PCLO: variants seen among roughly 807,000 people sequenced by gnomAD.
PCLO encodes the protein piccolo presynaptic cytomatrix protein.
A neutral mutation model predicts 427.5 loss-of-function variants in PCLO; 82 were observed. The ratio of observed to expected loss-of-function variants is 0.19; its 90% CI spans 0.16 to 0.23. The LOEUF (loss-of-function observed/expected upper bound fraction) is 0.23. Ranked by LOEUF, PCLO falls within the 10% of genes least tolerant of loss-of-function variation. PCLO has a pLI of 1.00. For missense variants in PCLO, 6,239 were observed against 6,115.9 expected (o/e 1.02, Z -0.67); for synonymous variants, 2,357 against 2,155.4 (o/e 1.09, Z -2.59).
intron 22 of PCLO, among the ~76,000 whole-genome samples, chr7:82,779,895 G>C (rs1031516483): frequency 5.3e-5 from 8 of 151,984 alleles, no homozygotes; most frequent in African/African-American, 1.9e-4. Context: ...CTGGACAATA[G>C]TATGGGTAAG....
intron 2 of PCLO, among the ~76,000 whole-genome samples, chr7:83,145,410 C>T (rs80309483): frequency 0.022 from 3,423 of 152,156 alleles, 132 homozygotes; most frequent in African/African-American, 0.077. Flanking sequence ...TGTAAATATA[C>T]ACACATACAT....
At position 82,761,441 on chromosome 7, in the gene PCLO, C is replaced by A; in HGVS notation, c.15060G>T (p.Lys5020Asn). The change falls in exon 23 of 25, where the codon AAG (lysine) becomes AAT (asparagine). Residue 5020 changes from lysine (K) to asparagine (N), a missense_variant. Physicochemically the swap from Lys to Asn is moderately conservative, Grantham distance 94 (BLOSUM62 0). This residue lies in a region of PCLO where 877 missense variants were observed against 925.5 expected (regional missense o/e 0.95). Coordinates refer to ENST00000333891, the MANE Select transcript of PCLO (RefSeq NM_033026.6). The stretch of plus-strand genomic sequence containing the variant: ...CAACTATTAGTTGTTCACCATCTGT[C>A]TTCATTTCCTTCTTCAATGCAATCT... ...EIKIALKKEMKTDGEQLIVEI... is the reference protein window; with the variant it reads ...EIKIALKKEMNTDGEQLIVEI... The A allele has an allele frequency of 6.3e-7, 1 of 1,592,314 alleles. No homozygotes were observed. The highest frequency in any genetic ancestry group is 8.6e-7 in the Non-Finnish European group (1 of 1,165,802).
At position 82,955,246 on chromosome 7, in the gene PCLO, G is replaced by T. The variant is rs1013837096; in HGVS notation, c.5707C>A (p.Gln1903Lys). Residue 1903 changes from glutamine (Q) to lysine (K), a missense_variant, in exon 5 of 25, where the codon CAG (glutamine) becomes AAG (lysine). Gln to Lys is a moderately conservative substitution (Grantham distance 53). Transcript: ENST00000333891. The part of the protein sequence containing the change: ...YSPTDEQSIM[Q>K]KEGSQKALKS... Reference sequence around the variant, plus strand: ...AACGCCTTTTGGCTACCTTCTTTCTGCATAATAGATTGCTCATCTGTTGGT... The same window carrying T: ...AACGCCTTTTGGCTACCTTCTTTCTTCATAATAGATTGCTCATCTGTTGGT... The T allele has an allele frequency of 5.6e-6, 9 of 1,613,510 alleles. No homozygotes were observed. The highest frequency in any genetic ancestry group is 2.2e-5 in the East Asian group (1 of 44,840).
Position 82,758,374 on chromosome 7 carries a change from T to C in PCLO, c.*201A>G. ...GGTCTCAGAACTCCATTCTTCTTGT[T>C]TTCAGTATGTGAACTTTTTCAGTTG... On this transcript the variant is annotated 3_prime_UTR_variant, in exon 25 of 25. Transcript: ENST00000333891. 2.3e-6 allele frequency: 1 copy of C among 442,512 alleles called. No individual in the cohort carries two copies. Among genetic ancestry groups the C allele is most frequent in the South Asian group, 5.2e-5 (1 of 19,232 alleles). 27.4% of individuals were successfully genotyped at this position (442,512 alleles called of 1,614,324 possible). A position where few individuals can be genotyped will look rare whatever the true frequency, so the allele number is the denominator to read the frequency against.
At chr7:82,777,684 C>T (rs908979458) in intron 22 of PCLO, among the ~76,000 whole-genome samples, 15 of 152,088 alleles carry the variant, frequency 9.9e-5, no homozygotes, top group Admixed American at 5.9e-4. Context: ...CTGAGGTCAG[C>T]TAAGCCAGTT....
chr7:83,047,423 CTCCT>C (rs1789130693), intron 3 of PCLO, among the ~76,000 whole-genome samples: 1 of 151,984 alleles, frequency 6.6e-6, no homozygotes, highest in Admixed American at 6.6e-5. Context: ...TAAAAATGAG[CTCCT>C]TCATCTCTTA....
intron 3 of PCLO, among the ~76,000 whole-genome samples, chr7:83,050,137 G>T (rs568323168): frequency 7.4e-6 from 1 of 134,570 alleles, no homozygotes; most frequent in African/African-American, 2.8e-5. Context: ...AGGCAATCTG[G>T]GTCGGAAAGC....
intron 6 of PCLO, among the ~76,000 whole-genome samples, chr7:82,943,782 T>C (rs12669254): frequency 0.072 from 10,917 of 151,868 alleles, 477 homozygotes; most frequent in East Asian, 0.2. Flanking sequence ...TACACAAAAA[T>C]ACTAGATGGA....
At chr7:83,150,898 G>A (rs1034674751) in intron 2 of PCLO, among the ~76,000 whole-genome samples, 2 of 152,118 alleles carry the variant, frequency 1.3e-5, no homozygotes, top group African/African-American at 2.4e-5. Flanking sequence ...ATACTTGAGG[G>A]CAACTTGACC....
At chr7:82,901,540 A>T (rs1157052545) in intron 9 of PCLO, among the ~76,000 whole-genome samples, 2 of 152,090 alleles carry the variant, frequency 1.3e-5, no homozygotes, top group Non-Finnish European at 2.9e-5. Flanking sequence ...CTAAAACACC[A>T]AAAGCAATGG....
intron 3 of PCLO, among the ~76,000 whole-genome samples, chr7:83,003,619 T>C (rs1787876885): frequency 6.6e-6 from 1 of 151,882 alleles, no homozygotes; most frequent in African/African-American, 2.4e-5. Flanking sequence ...ATTTTATCCT[T>C]CCTCTATTAA....
chr7:83,048,102 T>C (rs1213370127), intron 3 of PCLO, among the ~76,000 whole-genome samples: 4 of 152,106 alleles, frequency 2.6e-5, no homozygotes, highest in Non-Finnish European at 5.9e-5. Context: ...CTAAACAACA[T>C]ATTTTAGTGC....
intron 6 of PCLO, among the ~76,000 whole-genome samples, chr7:82,934,208 T>C (rs529940730): frequency 6.6e-5 from 10 of 152,008 alleles, no homozygotes; most frequent in South Asian, 6.2e-4. Flanking sequence ...GTCACTCTCA[T>C]AGGTCGCTAA....
In PCLO at chr7:82,756,826, A is replaced by G. The variant is rs535131088; in HGVS notation, c.*1749T>C. ...TTTAATTTGGGATAGCAAAATTTGC[A>G]TTTTCATGTAATTCTTCACCTTTAG... On this transcript the variant is annotated 3_prime_UTR_variant, in exon 25 of 25. Transcript: ENST00000333891. 1.3e-5 allele frequency: 2 copies of G among 152,150 alleles called. No individual in the cohort carries two copies. The highest frequency in any genetic ancestry group is 3.9e-4 in the East Asian group (2 of 5,172). 9.4% of individuals were successfully genotyped at this position (152,150 alleles called of 1,614,324 possible).
chr7:83,099,709 T>A (rs908597827), intron 3 of PCLO, among the ~76,000 whole-genome samples: 2 of 152,142 alleles, frequency 1.3e-5, no homozygotes, highest in Non-Finnish European at 2.9e-5. Context: ...GTAGATTTTT[T>A]AAAGTATCTT....
chr7:82,847,504 G>T (rs536222612), intron 10 of PCLO, among the ~76,000 whole-genome samples: 3 of 151,964 alleles, frequency 2.0e-5, no homozygotes, highest in Non-Finnish European at 2.9e-5. Context: ...ATTATCAAAC[G>T]CATGCATTCT....
intron 17 of PCLO, among the ~76,000 whole-genome samples, chr7:82,827,370 T>C (rs1791969699): frequency 6.6e-6 from 1 of 152,076 alleles, no homozygotes; most frequent in Non-Finnish European, 1.5e-5. Context: ...TTTATACTAG[T>C]CATCATTTTG....
At position 82,955,315 on chromosome 7, in the gene PCLO, C is replaced by G; in HGVS notation, c.5638G>C (p.Val1880Leu). 2 of 1,613,238 alleles carry G rather than the reference C, an allele frequency of 1.2e-6. No individual in the cohort carries two copies. The highest frequency in any genetic ancestry group is 8.5e-7 in the Non-Finnish European group (1 of 1,179,690). Residue 1880 changes from valine to leucine, a missense_variant, in exon 5 of 25, where the codon GTA becomes CTA. Transcript: ENST00000333891. ...FEISPEKIIEVQKVYKLPTAV... is the reference protein window; with the variant it reads ...FEISPEKIIELQKVYKLPTAV... ...GTGGGCAATTTATAAACTTTTTGTA[C>G]TTCTATTATTTTTTCCGGGCTTATT...
intron 3 of PCLO, among the ~76,000 whole-genome samples, chr7:83,017,327 AT>A (rs957025649): frequency 5.9e-5 from 9 of 151,748 alleles, no homozygotes; most frequent in African/African-American, 1.7e-4. Flanking sequence ...ACATTAAAGA[AT>A]TTTTTTTTGA....
Sources: allele counts gnomAD v4.1 joint callset (sites outside exome capture counted in the v4.1 genomes callset), GRCh38; gene constraint gnomAD v4.1.1; regional missense constraint gnomAD v4.1.1; transcripts MANE v1.5; gene names NCBI Gene and HGNC (gene_info 2026-07-23, HGNC 2026-07-21).